SPEF2: variants seen among roughly 807,000 people sequenced by gnomAD.
SPEF2 encodes the protein sperm flagellar and cilia associated 2, also known as sperm flagella and cilia-associated protein 2.
In SPEF2, 187 loss-of-function variants were observed where a neutral mutation model predicts 224.6. The observed-to-expected ratio is 0.83, with a 90% CI of 0.74 to 0.94. SPEF2 has a LOEUF of 0.94. SPEF2 is among the 40% of genes least tolerant of loss of function. The pLI is 0.00. For synonymous variants in SPEF2, 715 were observed against 707.3 expected (o/e 1.01, Z -0.17); for missense variants, 2,170 against 2,135.6 (o/e 1.02, Z -0.32).
chr5:35,799,288 G>A (rs543500305), intron 33 of SPEF2, among the ~76,000 whole-genome samples: 260 of 152,296 alleles, frequency 1.7e-3, no homozygotes, highest in Middle Eastern at 6.8e-3. Flanking sequence ...CCAGGGCTTG[G>A]GCCTCTGCTT....
intron 27 of SPEF2, among the ~76,000 whole-genome samples, chr5:35,772,614 T>C (rs72738888): frequency 8.9e-4 from 136 of 152,174 alleles, no homozygotes; most frequent in Non-Finnish European, 1.3e-3. Flanking sequence ...AGGAAAGCAC[T>C]GAGGATGGAG....
intron 24 of SPEF2, 114 bp downstream of exon 24, chr5:35,753,875 T>C (rs1750055662): frequency 1.6e-6 from 2 of 1,275,812 alleles, no homozygotes; most frequent in Non-Finnish European, 2.2e-6. Context: ...CTCATTTTGG[T>C]ATAGCACTAT....
rs1758126905 is a variant in SPEF2 at position 35,806,863 on chromosome 5, A to G, written c.5167A>G (p.Thr1723Ala). ...NANNEKMSME[T>A]LLKVFKGGSE... ...AAACAATGAAAAGATGTCCATGGAA[A>G]CACTACTCAAAGTGTTCAAAGGGGG... The change falls in exon 35 of 37, where the codon ACA becomes GCA. Residue 1723 changes from threonine (T) to alanine (A), a missense_variant. Coordinates refer to ENST00000356031, the MANE Select transcript of SPEF2 (RefSeq NM_024867.4). 1 of 1,613,990 alleles carries G rather than the reference A, an allele frequency of 6.2e-7. No individual in the cohort carries two copies. The highest frequency in any genetic ancestry group is 1.3e-5 in the African/African-American group (1 of 74,926).
In SPEF2 at chr5:35,750,983, CTATATATATATATG is replaced by C. The variant is rs1429341012; in HGVS notation, c.3331-2627_3331-2614del. 1.7e-3 allele frequency among the ~76,000 whole-genome samples: 123 copies of C among 73,948 alleles called. 1 individual carries two copies. The highest frequency in any genetic ancestry group is 2.6e-3 in the Non-Finnish European group (94 of 36,782). The allele number at this position is 73,948 out of a possible 152,430, so 48.5% of individuals were successfully genotyped here. A position where few individuals can be genotyped will look rare whatever the true frequency, so the allele number is the denominator to read the frequency against. On this transcript the variant is annotated intron_variant, in intron 23 of 36. Coordinates refer to ENST00000356031, the MANE Select transcript of SPEF2 (RefSeq NM_024867.4). ...TCAGTGAGTGGATAAAGAAACTGTG[CTATATATATATATG>C]TATATATATATATACGTATATATAT...
Position 35,617,938 on chromosome 5 carries a change from A to T in SPEF2, c.-60A>T. The stretch of plus-strand genomic sequence containing the variant: ...TGGCTACAGGAGGACGCGGGCTGGC[A>T]GGCTTGGTTCCTGGCGAGTTTCTAA... On this transcript the variant is annotated 5_prime_UTR_variant, in exon 1 of 37. Coordinates refer to ENST00000356031, the MANE Select transcript of SPEF2 (RefSeq NM_024867.4). 3 of 1,522,042 alleles carry T rather than the reference A, an allele frequency of 2.0e-6. No homozygotes were observed. The highest frequency in any genetic ancestry group is 2.7e-6 in the Non-Finnish European group (3 of 1,119,146). 94.3% of individuals were successfully genotyped at this position (1,522,042 alleles called of 1,614,324 possible).
intron 30 of SPEF2, among the ~76,000 whole-genome samples, chr5:35,779,892 C>T (rs1754090079): frequency 6.6e-6 from 1 of 152,226 alleles, no homozygotes; most frequent in Non-Finnish European, 1.5e-5. Context: ...ATCTCTTTCA[C>T]ATTTTATCAG....
intron 34 of SPEF2, among the ~76,000 whole-genome samples, chr5:35,801,740 C>T (rs751584608): frequency 5.9e-5 from 9 of 151,998 alleles, no homozygotes; most frequent in Non-Finnish European, 1.2e-4. Flanking sequence ...CTATATGTTC[C>T]CATGGTGCAC....
At chr5:35,720,431 A>G (rs1743427369) in intron 20 of SPEF2, among the ~76,000 whole-genome samples, 1 of 152,144 alleles carries the variant, frequency 6.6e-6, no homozygotes, top group Non-Finnish European at 1.5e-5. Flanking sequence ...ATGTTTTTTT[A>G]TTCCAGTGTC....
At chr5:35,774,499 G>A (rs1219382947) in intron 28 of SPEF2, among the ~76,000 whole-genome samples, 1 of 152,038 alleles carries the variant, frequency 6.6e-6, no homozygotes, top group East Asian at 1.9e-4. Flanking sequence ...GGGAACAAAG[G>A]CCATAGGAGA....
rs115970978 is a variant in SPEF2 at position 35,788,191 on chromosome 5, C to T, written c.4448-4149C>T. 1,126 of 702,944 alleles carry T rather than the reference C, an allele frequency of 1.6e-3. 9 individuals are homozygous for T. In the African/African-American group the frequency reaches 0.017, roughly 11 times the overall value. The allele number at this position is 702,944 out of a possible 1,614,324, so 43.5% of individuals were successfully genotyped here. ...CAAGTAGCTCTCCAGTGAACAGAGC[C>T]ACCACCAAACTAATGATGAGGACCA... On this transcript the variant is annotated intron_variant, in intron 30 of 36. Transcript: ENST00000356031.
intron 8 of SPEF2, 112 bp from the exon 9 acceptor site, chr5:35,666,960 G>A: frequency 1.1e-6 from 1 of 931,642 alleles, no homozygotes; most frequent in Non-Finnish European, 1.6e-6. Flanking sequence ...TTTTTTTCCT[G>A]GTGTGAGAAG....
intron 33 of SPEF2, 49 bp downstream of exon 33, chr5:35,795,844 T>G: frequency 6.7e-7 from 1 of 1,482,374 alleles, no homozygotes; most frequent in Non-Finnish European, 9.3e-7. Flanking sequence ...ACTAATCATT[T>G]TCTTTGTGTT....
At chr5:35,666,333 C>T (rs1750457053) in intron 8 of SPEF2, among the ~76,000 whole-genome samples, 1 of 152,114 alleles carries the variant, frequency 6.6e-6, no homozygotes, top group South Asian at 2.1e-4. Context: ...ATTATGTTAT[C>T]CTCAGCTTGG....
chr5:35,683,486 G>C (rs1332136089), intron 10 of SPEF2, among the ~76,000 whole-genome samples: 1 of 152,168 alleles, frequency 6.6e-6, no homozygotes, highest in Non-Finnish European at 1.5e-5. Context: ...TTAGCTAGGC[G>C]TAGTGACACC....
intron 23 of SPEF2, among the ~76,000 whole-genome samples, chr5:35,745,449 G>T (rs1748350130): frequency 6.6e-6 from 1 of 152,134 alleles, no homozygotes; most frequent in Non-Finnish European, 1.5e-5. Flanking sequence ...CTCACCCACT[G>T]CCTGGAAACA....
intron 1 of SPEF2, among the ~76,000 whole-genome samples, chr5:35,628,212 C>A (rs1744549534): frequency 6.6e-6 from 1 of 151,918 alleles, no homozygotes; most frequent in Admixed American, 6.6e-5. Flanking sequence ...TATCTGTTGT[C>A]TTTTCCTTCA....
At chr5:35,671,014 G>A (rs933253077) in intron 10 of SPEF2, 2 of 985,382 alleles carry the variant, frequency 2.0e-6, no homozygotes, top group Non-Finnish European at 2.4e-6. Context: ...AAGTAAAGGT[G>A]TAACAATCAT....
At chr5:35,727,644 G>C in intron 20 of SPEF2, 31 bp from the exon 21 acceptor site, 2 of 1,589,362 alleles carry the variant, frequency 1.3e-6, no homozygotes, top group Non-Finnish European at 1.7e-6. Flanking sequence ...TCATTTACTT[G>C]TATTGGAATA....
intron 10 of SPEF2, among the ~76,000 whole-genome samples, chr5:35,686,160 CTT>C (rs1753583672): frequency 6.6e-6 from 1 of 151,968 alleles, no homozygotes; most frequent in Non-Finnish European, 1.5e-5. Flanking sequence ...TTTGAGGAGA[CTT>C]ATGTGATTAA....
Sources: gnomAD v4.1 joint callset for allele counts (sites outside exome capture counted in the v4.1 genomes callset) on GRCh38, gnomAD v4.1.1 for gene constraint, MANE v1.5 for transcripts, NCBI Gene and HGNC (gene_info 2026-07-23, HGNC 2026-07-21) for gene names.